The following SEL1L2 variants were observed in gnomAD, a reference collection of about 807,000 sequenced individuals.
The protein encoded by SEL1L2 is protein sel-1 homolog 2.
A neutral mutation model predicts 98.8 loss-of-function variants in SEL1L2; 89 were observed. The observed-to-expected ratio is 0.90, with a 90% CI of 0.76 to 1.07. The LOEUF is 1.07. Among genes scored for constraint, SEL1L2 ranks in the 50% least tolerant of loss-of-function variants. The pLI, the probability that SEL1L2 is intolerant of heterozygous loss-of-function variation, is 0.00. For missense variants in SEL1L2, 788 were observed against 812.0 expected, an observed-to-expected ratio of 0.97 and a Z score of 0.36; for synonymous variants, 262 against 278.5, an observed-to-expected ratio of 0.94 and a Z score of 0.59.
intron 14 of SEL1L2, among the ~76,000 whole-genome samples, chr20:13,867,522 A>G (rs1031222268): frequency 6.6e-6 from 1 of 152,164 alleles, no homozygotes; most frequent in Non-Finnish European, 1.5e-5. Context: ...AGTGCCATGT[A>G]GCGATTAAGA....
At chr20:13,905,503 A>G (rs1208322316) in intron 5 of SEL1L2, among the ~76,000 whole-genome samples, 1 of 151,826 alleles carries the variant, frequency 6.6e-6, no homozygotes, top group African/African-American at 2.4e-5. Context: ...TTTAGTAGAG[A>G]CAGGGTTTCA....
At chr20:13,868,414 T>C (rs1339596632) in intron 14 of SEL1L2, among the ~76,000 whole-genome samples, 1 of 152,090 alleles carries the variant, frequency 6.6e-6, no homozygotes, top group Non-Finnish European at 1.5e-5. Context: ...CTCTGGGTCC[T>C]AGTCCCCCTG....
chr20:13,862,427 G>A (rs187669839), intron 17 of SEL1L2, among the ~76,000 whole-genome samples: 11 of 152,142 alleles, frequency 7.2e-5, no homozygotes, highest in African/African-American at 9.6e-5. Context: ...GCATGGTCTC[G>A]GCTTACTCAG....
In SEL1L2 at chr20:13,859,003, C is replaced by A. The variant is rs374080764; in HGVS notation, c.1818+259G>T. On this transcript the variant is annotated intron_variant, in intron 18 of 19. Transcript: ENST00000284951. ...ATGTGCTGCAAAAAGCAGGAACTTACTAGTTGAATTGGCCTAGACTAGATC... is the reference window on the plus strand; with the variant it reads ...ATGTGCTGCAAAAAGCAGGAACTTAATAGTTGAATTGGCCTAGACTAGATC... Among the ~76,000 whole-genome samples the A allele has an allele frequency of 7.0e-4, 107 of 152,344 alleles. 1 individual carries two copies. Among genetic ancestry groups the A allele is most frequent in the African/African-American group, 2.5e-3 (103 of 41,582 alleles).
At chr20:13,994,052 T>C (rs1265211952), upstream of SEL1L2, among the ~76,000 whole-genome samples, 1 of 152,136 alleles carries the variant, frequency 6.6e-6, no homozygotes, top group Non-Finnish European at 1.5e-5. Flanking sequence ...GGCTCACGCC[T>C]GTAATCCCAG....
chr20:13,988,077 T>C (rs1268014149), intron 1 of SEL1L2, among the ~76,000 whole-genome samples: 1 of 152,210 alleles, frequency 6.6e-6, no homozygotes, highest in East Asian at 1.9e-4. Context: ...TATGCCTATG[T>C]TTTCTTCTAA....
intron 1 of SEL1L2, among the ~76,000 whole-genome samples, chr20:13,972,792 G>A (rs970580705): frequency 1.3e-5 from 2 of 152,082 alleles, no homozygotes; most frequent in Admixed American, 1.3e-4. Flanking sequence ...TAAATAACAT[G>A]TTTTTCTCTT....
chr20:13,971,731 G>A (rs1041986236), intron 1 of SEL1L2, among the ~76,000 whole-genome samples: 1 of 152,028 alleles, frequency 6.6e-6, no homozygotes, highest in East Asian at 1.9e-4. Flanking sequence ...CACCGTGCCT[G>A]GCTACAATTT....
Position 13,976,173 on chromosome 20 carries a change from G to T in SEL1L2, c.58+14304C>A, listed in dbSNP as rs1023960724. The stretch of plus-strand genomic sequence containing the variant: ...CATGCCACCACACCCAGCTAATTTT[G>T]GTATTTTTAGTAGAGACAGGGTTTC... On this transcript the variant is annotated intron_variant, in intron 1 of 19. Transcript: ENST00000284951. Among the ~76,000 whole-genome samples, 12 of 151,658 alleles carry T rather than the reference G, an allele frequency of 7.9e-5. No homozygotes were observed. In the South Asian group the frequency reaches 2.5e-3, roughly 32 times the overall value.
chr20:13,939,040 G>GTTTTTTTTTTTTTTTTTTTTTTTT (rs386365633), intron 2 of SEL1L2, among the ~76,000 whole-genome samples: 13 of 114,082 alleles, frequency 1.1e-4, no homozygotes, highest in African/African-American at 4.5e-4. Flanking sequence ...TGCTTGTTTT[G>GTTTTTTTTTTTTTTTTTTTTTTTT]TTTTTTTTTT....
chr20:13,854,108 A>G (rs1988757163), intron 18 of SEL1L2, among the ~76,000 whole-genome samples: 2 of 152,218 alleles, frequency 1.3e-5, no homozygotes, highest in South Asian at 2.1e-4. Flanking sequence ...GTAACACTCC[A>G]TGGGTGGTCA....
Position 13,954,212 on chromosome 20 carries a change from G to T in SEL1L2, c.114+1864C>A, listed in dbSNP as rs185818393. 4.8e-3 allele frequency among the ~76,000 whole-genome samples: 728 copies of T among 152,222 alleles called. 6 individuals carry two copies. The highest frequency in any genetic ancestry group is 0.016 in the African/African-American group (665 of 41,534). On this transcript the variant is annotated intron_variant, in intron 2 of 19. Transcript: ENST00000284951. ...TGTTTTTAAAATTATAATGTAAATG[G>T]TAATTATTATGGAAGATAACCAGAA...
At chr20:13,959,236 C>T (rs1192471857) in intron 1 of SEL1L2, among the ~76,000 whole-genome samples, 1 of 152,040 alleles carries the variant, frequency 6.6e-6, no homozygotes, top group Non-Finnish European at 1.5e-5. Flanking sequence ...TTGTGATGGG[C>T]AACGAAAAGG....
intron 1 of SEL1L2, among the ~76,000 whole-genome samples, chr20:13,981,287 T>C (rs138921430): frequency 1.1e-4 from 17 of 152,092 alleles, no homozygotes; most frequent in African/African-American, 3.6e-4. Flanking sequence ...AGAATGGTGG[T>C]TATCAGAGGC....
intron 2 of SEL1L2, among the ~76,000 whole-genome samples, chr20:13,954,283 C>A (rs1600903576): frequency 6.6e-6 from 1 of 152,136 alleles, no homozygotes; most frequent in African/African-American, 2.4e-5. Flanking sequence ...AGGGTGCTTT[C>A]AGCCAAATAG....
chr20:13,935,798 A>G (rs1274236740), intron 2 of SEL1L2, among the ~76,000 whole-genome samples: 1 of 152,168 alleles, frequency 6.6e-6, no homozygotes, highest in African/African-American at 2.4e-5. Flanking sequence ...TGTGGAGAAT[A>G]TGATATCGTA....
At chr20:13,963,520 C>T (rs1195494959) in intron 1 of SEL1L2, among the ~76,000 whole-genome samples, 3 of 151,748 alleles carry the variant, frequency 2.0e-5, no homozygotes, top group Non-Finnish European at 2.9e-5. Flanking sequence ...AGTTCGAGAC[C>T]AGCCTGGCCA....
At chr20:13,884,321 A>T (rs1398859688) in intron 10 of SEL1L2, among the ~76,000 whole-genome samples, 1 of 151,486 alleles carries the variant, frequency 6.6e-6, no homozygotes, top group African/African-American at 2.4e-5. Flanking sequence ...AAAAAAAAAA[A>T]TCCAGTTACT....
chr20:13,934,130 T>C (rs1157253753), intron 2 of SEL1L2, among the ~76,000 whole-genome samples: 1 of 149,706 alleles, frequency 6.7e-6, no homozygotes, highest in Non-Finnish European at 1.5e-5. Flanking sequence ...TCCTACCCTT[T>C]CCCCCCAATT....
Sources: gnomAD v4.1 joint callset for allele counts (sites outside exome capture counted in the v4.1 genomes callset) on GRCh38, gnomAD v4.1.1 for gene constraint, MANE v1.5 for transcripts, NCBI Gene and HGNC (gene_info 2026-07-23, HGNC 2026-07-21) for gene names.